The following BRD7 variants were observed in gnomAD, a reference collection of about 807,000 sequenced individuals.
BRD7 encodes bromodomain-containing protein 7.
Under a neutral mutation model 82.1 loss-of-function variants are expected in BRD7, and 15 were observed. The observed-to-expected ratio is 0.18, with a 90% CI of 0.12 to 0.28. The LOEUF (loss-of-function observed/expected upper bound fraction) is 0.28, where lower values mean the gene tolerates loss of function less well. Among genes scored for constraint, BRD7 ranks in the 10% least tolerant of loss-of-function variants. The probability of loss-of-function intolerance (pLI) is 1.00; values close to 1 mark genes in which losing one functional copy is unlikely to be tolerated. For missense variants in BRD7, 638 were observed against 779.9 expected, an observed-to-expected ratio of 0.82 and a Z score of 2.17; for synonymous variants, 232 against 266.9, an observed-to-expected ratio of 0.87 and a Z score of 1.27.
intron 2 of BRD7, among the ~76,000 whole-genome samples, chr16:50,362,183 C>T (rs1056410388): frequency 1.3e-5 from 2 of 152,164 alleles, no homozygotes; most frequent in African/African-American, 2.4e-5. Context: ...TCTGTGATTT[C>T]CCCCAGCTCC....
intron 4 of BRD7, among the ~76,000 whole-genome samples, chr16:50,352,978 G>A (rs1052917241): frequency 6.6e-6 from 1 of 151,750 alleles, no homozygotes; most frequent in Admixed American, 6.6e-5. Context: ...CACTCCTTTC[G>A]GACAAGTAGT....
chr16:50,316,858 T>G lies in BRD7; in HGVS notation c.*2353A>C, dbSNP rs185978634. 7.2e-5 allele frequency: 11 copies of G among 152,454 alleles called. No homozygotes were observed. Among genetic ancestry groups the G allele is most frequent in the African/African-American group, 2.6e-4 (11 of 41,562 alleles). 9.4% of individuals were successfully genotyped at this position (152,454 alleles called of 1,614,324 possible). A position where few individuals can be genotyped will look rare whatever the true frequency, so the allele number is the denominator to read the frequency against. Reference sequence around the variant, plus strand: ...ACCAGAGCATCGCCAGGATTTCTAATGCACTCAGTTTCCCTACATAGCAGG... The same window carrying G: ...ACCAGAGCATCGCCAGGATTTCTAAGGCACTCAGTTTCCCTACATAGCAGG... On this transcript the variant is annotated 3_prime_UTR_variant, in exon 17 of 17. Transcript: ENST00000394688.
rs1416663858 is a variant in BRD7 at position 50,354,793 on chromosome 16, C to T, written c.388G>A (p.Glu130Lys). ...ATAGTTAATTCAGAGTTATTCCAAC[C>T]TTCTTGTTTGGCTAAAGAGCTTGTG... is the stretch of plus-strand genomic sequence containing the variant. Reference protein sequence around the residue: ...PLTSSLAKQEEVEQTPLQEAL... With the variant: ...PLTSSLAKQEKVEQTPLQEAL... The change falls in exon 3 of 17, where the codon GAA (glutamate) becomes AAA (lysine). Residue 130 changes from glutamate to lysine, a missense_variant and splice_region_variant. By Grantham distance (56) the Glu-to-Lys change is moderately conservative. This residue lies in a region of BRD7 where 172 missense variants were observed against 155.3 expected (regional missense o/e 1.11). Transcript: ENST00000394688. 2.5e-6 allele frequency: 4 copies of T among 1,610,700 alleles called. No individual in the cohort carries two copies. Among genetic ancestry groups the T allele is most frequent in the Non-Finnish European group, 3.4e-6 (4 of 1,179,524 alleles).
At position 50,320,738 on chromosome 16, in the gene BRD7, T is replaced by C. The variant is rs1207681340; in HGVS notation, c.1537A>G (p.Ser513Gly). 2 of 1,614,208 alleles carry C rather than the reference T, an allele frequency of 1.2e-6. No homozygotes were observed. The highest frequency in any genetic ancestry group is 1.7e-6 in the Non-Finnish European group (2 of 1,180,022). Residue 513 changes from serine to glycine, a missense_variant, in exon 14 of 17, where the codon AGT becomes GGT. Physicochemically the swap from Ser to Gly is moderately conservative, Grantham distance 56. Coordinates refer to ENST00000394688, the MANE Select transcript of BRD7 (RefSeq NM_013263.5). ...EVEPPGRLDSSTQDRLIALKA... is the reference protein window; with the variant it reads ...EVEPPGRLDSGTQDRLIALKA... ...AGCGCTATGAGCCTGTCTTGAGTAC[T>C]GGAGTCCAAACGCCCTGGTGGCTCT...
At chr16:50,356,693 T>C (rs2038745081) in intron 2 of BRD7, among the ~76,000 whole-genome samples, 1 of 145,146 alleles carries the variant, frequency 6.9e-6, no homozygotes, top group Admixed American at 7.2e-5. Flanking sequence ...GATCTCTGTC[T>C]GCCCTCTTCT....
intron 9 of BRD7, 34 bp from the exon 10 acceptor site, chr16:50,326,425 C>T (rs2037341784): frequency 6.9e-7 from 1 of 1,455,718 alleles, no homozygotes; most frequent in Non-Finnish European, 9.2e-7. Context: ...TGAAGGAGGC[C>T]TACATGGCCA....
chr16:50,356,006 T>C (rs966299918), intron 2 of BRD7, among the ~76,000 whole-genome samples: 1 of 152,136 alleles, frequency 6.6e-6, no homozygotes, highest in African/African-American at 2.4e-5. Flanking sequence ...AATAGATAAG[T>C]GATATCACAG....
In BRD7 at chr16:50,328,743, C is replaced by T; in HGVS notation, c.1013G>A (p.Cys338Tyr). The T allele has an allele frequency of 6.2e-7, 1 of 1,613,840 alleles. No homozygotes were observed. The highest frequency in any genetic ancestry group is 8.5e-7 in the Non-Finnish European group (1 of 1,179,936). The change falls in exon 9 of 17, where the codon TGC becomes TAC. Residue 338 changes from cysteine to tyrosine, a missense_variant and splice_region_variant. Physicochemically the swap from Cys to Tyr is radical, Grantham distance 194. Transcript: ENST00000394688. Reference sequence around the variant, plus strand: ...ATCTGGTTTTCTTCTTTCAAATTCGCACTGCAATGACCCAAAGTATTCAGA... The same window carrying T: ...ATCTGGTTTTCTTCTTTCAAATTCGTACTGCAATGACCCAAAGTATTCAGA... The part of the protein sequence containing the change: ...KLTRRLVNSQ[C>Y]EFERRKPDGT...
chr16:50,350,388 T>C (rs1197532233), intron 4 of BRD7, among the ~76,000 whole-genome samples: 1 of 152,226 alleles, frequency 6.6e-6, no homozygotes, highest in African/African-American at 2.4e-5. Flanking sequence ...TGGAGATTTC[T>C]TTCTTTTAAA....
intron 5 of BRD7, among the ~76,000 whole-genome samples, chr16:50,343,309 G>T (rs759783683): frequency 6.6e-6 from 1 of 152,194 alleles, no homozygotes; most frequent in African/African-American, 2.4e-5. Flanking sequence ...GTCCTCACAA[G>T]ATCTGGTTGT....
intron 2 of BRD7, among the ~76,000 whole-genome samples, chr16:50,367,301 T>C (rs116482090): frequency 4.5e-4 from 68 of 152,268 alleles, no homozygotes; most frequent in African/African-American, 1.6e-3. Flanking sequence ...TACCTCACTG[T>C]ACCTCAAACT....
chr16:50,347,172 T>C (rs1261195424), intron 5 of BRD7, among the ~76,000 whole-genome samples: 2 of 152,180 alleles, frequency 1.3e-5, no homozygotes, highest in African/African-American at 4.8e-5. Flanking sequence ...CATGATTATC[T>C]CAATAGATGC....
rs181024331 is a variant in BRD7, at chr16:50,320,751, C to G, written c.1524G>C (p.Gly508=). The change falls in exon 14 of 17, where the codon GGG becomes GGC. Residue 508 remains glycine, a synonymous_variant. Coordinates refer to ENST00000394688, the MANE Select transcript of BRD7 (RefSeq NM_013263.5). The stretch of plus-strand genomic sequence containing the variant: ...TGTCTTGAGTACTGGAGTCCAAACG[C>G]CCTGGTGGCTCTACTTCTGTAATCT... ...EMEITEVEPP[G]RLDSSTQDRL... 2.5e-6 allele frequency: 4 copies of G among 1,614,052 alleles called. No individual in the cohort carries two copies. In the African/African-American group the frequency reaches 5.3e-5, roughly 22 times the overall value.
At chr16:50,349,905 T>C (rs1352057777) in intron 5 of BRD7, 118 bp downstream of exon 5, 10 of 1,004,024 alleles carry the variant, frequency 1.0e-5, no homozygotes, top group Admixed American at 2.8e-5. Flanking sequence ...TAAACAAAGA[T>C]ACTGGATCTT....
chr16:50,353,059 G>A (rs1022309153), intron 4 of BRD7, among the ~76,000 whole-genome samples: 9 of 141,098 alleles, frequency 6.4e-5, no homozygotes, highest in Non-Finnish European at 1.4e-4. Flanking sequence ...AAAGAAGAGA[G>A]ATCAGTAAGT....
intron 2 of BRD7, among the ~76,000 whole-genome samples, chr16:50,363,648 T>TGC (rs2039015762): frequency 1.1e-5 from 1 of 90,754 alleles, no homozygotes; most frequent in African/African-American, 3.8e-5. Context: ...TGTTTGTGTG[T>TGC]GTGTGTGTGT....
At position 50,316,266 on chromosome 16, in the gene BRD7, G is replaced by A. The variant is rs769867359; in HGVS notation, c.*2945C>T. The A allele has an allele frequency of 7.2e-5, 11 of 152,390 alleles. No homozygotes were observed. Among genetic ancestry groups the A allele is most frequent in the Admixed American group, 3.9e-4 (6 of 15,276 alleles). The allele number at this position is 152,390 out of a possible 1,614,324, so 9.4% of individuals were successfully genotyped here. On this transcript the variant is annotated 3_prime_UTR_variant, in exon 17 of 17. Coordinates refer to ENST00000394688, the MANE Select transcript of BRD7 (RefSeq NM_013263.5). Reference sequence around the variant, plus strand: ...ATGGGGTCAGCTGGCTGTGGGGATAGAGTCCTGAGGAATGTGGTCACAGCA... The same window carrying A: ...ATGGGGTCAGCTGGCTGTGGGGATAAAGTCCTGAGGAATGTGGTCACAGCA...
chr16:50,322,604 G>GT (rs1430928235), intron 12 of BRD7, among the ~76,000 whole-genome samples: 1 of 152,120 alleles, frequency 6.6e-6, no homozygotes. Context: ...TATAAACAAT[G>GT]TAACCTTATA....
At chr16:50,327,207 C>T (rs569411485) in intron 9 of BRD7, among the ~76,000 whole-genome samples, 1 of 152,316 alleles carries the variant, frequency 6.6e-6, no homozygotes, top group East Asian at 1.9e-4. Flanking sequence ...CTACCTTAAA[C>T]CATGAAAGTG....
Sources: gnomAD v4.1 joint callset for allele counts (sites outside exome capture counted in the v4.1 genomes callset) on GRCh38, gnomAD v4.1.1 for gene constraint, gnomAD v4.1.1 regional missense constraint, MANE v1.5 for transcripts, NCBI Gene and HGNC (gene_info 2026-07-23, HGNC 2026-07-21) for gene names.